Variants in RNF212B observed in about 807,000 individuals in gnomAD.
The protein encoded by RNF212B is E3 ubiquitin-protein ligase RNF212B.
In RNF212B, 52 loss-of-function variants were observed where a neutral mutation model predicts 55.5. The observed-to-expected ratio is 0.94, with a 90% CI of 0.75 to 1.18. RNF212B has a LOEUF of 1.18. RNF212B is among the 50% of genes most tolerant of loss of function. The probability of loss-of-function intolerance (pLI) is 0.00; values close to 1 mark genes in which losing one functional copy is unlikely to be tolerated. For synonymous variants in RNF212B, 99 were observed against 121.4 expected (o/e 0.82, Z 1.21); for missense variants, 289 against 350.4 (o/e 0.82, Z 1.40).
upstream of RNF212B, among the ~76,000 whole-genome samples, chr14:23,233,741 CAAAAA>C (rs761783082): frequency 6.4e-5 from 5 of 77,578 alleles, no homozygotes; most frequent in Non-Finnish European, 5.1e-5. Context: ...GACCCTGTCT[CAAAAA>C]AAAAAAAAAA....
chr14:23,258,235 G>A (rs1884993685), intron 4 of RNF212B, among the ~76,000 whole-genome samples: 2 of 151,978 alleles, frequency 1.3e-5, no homozygotes, highest in Non-Finnish European at 2.9e-5. Context: ...CTATTCGGGA[G>A]GCTGAGGCAG....
chr14:23,227,068 T>C (rs1266842537), intron 2 of RNF212B, among the ~76,000 whole-genome samples: 1 of 152,064 alleles, frequency 6.6e-6, no homozygotes, highest in African/African-American at 2.4e-5. Flanking sequence ...GGTCTATGGA[T>C]GGTACCAATG....
intron 2 of RNF212B, among the ~76,000 whole-genome samples, chr14:23,225,108 T>C (rs1202252448): frequency 6.6e-6 from 1 of 151,880 alleles, no homozygotes; most frequent in Non-Finnish European, 1.5e-5. Flanking sequence ...CAATAAGATA[T>C]CATCTTACCC....
intron 4 of RNF212B, among the ~76,000 whole-genome samples, chr14:23,252,058 C>G (rs1217729784): frequency 6.6e-6 from 1 of 151,198 alleles, no homozygotes; most frequent in Non-Finnish European, 1.5e-5. Flanking sequence ...AACTCAATCT[C>G]TAGCCCCTTT....
At chr14:23,199,465 T>C (rs1444293135) in intron 2 of RNF212B, among the ~76,000 whole-genome samples, 4 of 152,232 alleles carry the variant, frequency 2.6e-5, no homozygotes, top group Admixed American at 2.6e-4. Flanking sequence ...AGTTCCCAGC[T>C]TGACTATTCC....
At chr14:23,236,450 G>A (rs1046688756), upstream of RNF212B, among the ~76,000 whole-genome samples, 12 of 152,104 alleles carry the variant, frequency 7.9e-5, no homozygotes, top group African/African-American at 2.4e-4. Context: ...AGGAGGCGGA[G>A]GTTGCAGTGA....
intron 2 of RNF212B, among the ~76,000 whole-genome samples, chr14:23,211,296 C>A (rs1187073188): frequency 7.1e-6 from 1 of 140,556 alleles, no homozygotes; most frequent in Non-Finnish European, 1.5e-5. Flanking sequence ...ACATAAACTA[C>A]TAAAACACAG....
At chr14:23,269,749 C>A in intron 12 of RNF212B, 114 bp from the exon 13 acceptor site, 2 of 619,734 alleles carry the variant, frequency 3.2e-6, no homozygotes, top group Non-Finnish European at 5.7e-6. Flanking sequence ...CAGTTGCAAG[C>A]AGGGAATTTT....
At chr14:23,191,119 C>G (rs996292525) in intron 1 of RNF212B, among the ~76,000 whole-genome samples, 1 of 152,116 alleles carries the variant, frequency 6.6e-6, no homozygotes, top group African/African-American at 2.4e-5. Context: ...TTTGGGAGGC[C>G]GAGGTGGGTG....
intron 4 of RNF212B, among the ~76,000 whole-genome samples, chr14:23,256,665 C>G (rs1189300484): frequency 1.3e-5 from 2 of 152,132 alleles, no homozygotes; most frequent in Non-Finnish European, 2.9e-5. Context: ...AGCCACCACG[C>G]CTGGCCTCCT....
Position 23,228,833 on chromosome 14 carries a change from T to C in RNF212B, c.-1-11512T>C, listed in dbSNP as rs375627805. Among the ~76,000 whole-genome samples the C allele has an allele frequency of 1.2e-4, 19 of 152,242 alleles. No individual in the cohort carries two copies. In the East Asian group the frequency reaches 2.3e-3, roughly 19 times the overall value. ...GCATGCAGAAATGGGCTTGAATATG[T>C]ATAGAACACTGATTTTCCTTTTTAT... On this transcript the variant is annotated intron_variant, in intron 2 of 15. Transcript: ENST00000399910.
chr14:23,208,243 C>A (rs991264001), intron 2 of RNF212B, among the ~76,000 whole-genome samples: 1 of 152,116 alleles, frequency 6.6e-6, no homozygotes, highest in African/African-American at 2.4e-5. Context: ...AGGAGTCAGC[C>A]GGATGTGGTG....
At chr14:23,259,846 T>A in intron 5 of RNF212B, 38 bp from the exon 6 acceptor site, 1 of 1,270,380 alleles carries the variant, frequency 7.9e-7, no homozygotes, top group East Asian at 2.7e-5. Flanking sequence ...TTTTAATCCC[T>A]GATTTGCTGG....
chr14:23,213,268 G>A (rs1056431298), intron 2 of RNF212B, among the ~76,000 whole-genome samples: 2 of 150,988 alleles, frequency 1.3e-5, no homozygotes, highest in Non-Finnish European at 2.9e-5. Context: ...AGCCGAGATC[G>A]CACCACTGCA....
chr14:23,260,824 A>T, intron 7 of RNF212B, 137 bp downstream of exon 7: 1 of 782,910 alleles, frequency 1.3e-6, no homozygotes, highest in Non-Finnish European at 2.1e-6. Context: ...AGAGTTAGTT[A>T]CTGAAAGTGC....
intron 1 of RNF212B, among the ~76,000 whole-genome samples, chr14:23,186,595 G>C (rs891927052): frequency 6.6e-6 from 1 of 152,038 alleles, no homozygotes; most frequent in Non-Finnish European, 1.5e-5. Flanking sequence ...TGATCCACCC[G>C]CCTCGGCCTC....
intron 2 of RNF212B, among the ~76,000 whole-genome samples, chr14:23,223,635 G>A (rs528858925): frequency 3.3e-5 from 5 of 152,292 alleles, no homozygotes; most frequent in East Asian, 1.9e-4. Flanking sequence ...GATTACAGGC[G>A]TGAGCCACCG....
chr14:23,245,904 C>T (rs547872468), intron 4 of RNF212B, among the ~76,000 whole-genome samples: 12 of 152,240 alleles, frequency 7.9e-5, no homozygotes, highest in African/African-American at 2.4e-4. Flanking sequence ...AAGTAGTGGA[C>T]GCTCAAGACG....
At chr14:23,246,602 A>C (rs548030743) in intron 4 of RNF212B, among the ~76,000 whole-genome samples, 1 of 152,282 alleles carries the variant, frequency 6.6e-6, no homozygotes, top group African/African-American at 2.4e-5. Flanking sequence ...AAAAAAAAAC[A>C]AACAAAAAAC....
Sources: gnomAD v4.1 joint callset for allele counts (sites outside exome capture counted in the v4.1 genomes callset) on GRCh38, gnomAD v4.1.1 for gene constraint, MANE v1.5 for transcripts, NCBI Gene and HGNC (gene_info 2026-07-23, HGNC 2026-07-21) for gene names.